The following CACNA1C variants were observed in gnomAD, a reference collection of about 807,000 sequenced individuals.
CACNA1C encodes voltage-dependent L-type calcium channel subunit alpha-1C.
A neutral mutation model predicts 229.0 loss-of-function variants in CACNA1C; 30 were observed. The observed-to-expected ratio is 0.13, with a 90% CI of 0.10 to 0.18. The LOEUF (loss-of-function observed/expected upper bound fraction) is 0.18, where lower values mean the gene tolerates loss of function less well. Among genes scored for constraint, CACNA1C ranks in the 10% least tolerant of loss-of-function variants. The pLI, the probability that CACNA1C is intolerant of heterozygous loss-of-function variation, is 1.00. For synonymous variants in CACNA1C, 1,114 were observed against 1,132.5 expected (o/e 0.98, Z 0.33); for missense variants, 1,658 against 2,845.0 (o/e 0.58, Z 9.49).
intron 3 of CACNA1C, among the ~76,000 whole-genome samples, chr12:2,320,423 G>T (rs1175219692): frequency 1.3e-5 from 2 of 152,216 alleles, no homozygotes; most frequent in African/African-American, 4.8e-5. Context: ...AGTCCATCAG[G>T]TGGCAGTGTA....
At chr12:2,427,646 A>C (rs2099045285) in intron 3 of CACNA1C, among the ~76,000 whole-genome samples, 1 of 151,910 alleles carries the variant, frequency 6.6e-6, no homozygotes, top group Non-Finnish European at 1.5e-5. Context: ...TTTGAGATGG[A>C]GTTTCACGCT....
At chr12:2,023,343 T>C (rs1001919005) in intron 1 of CACNA1C, among the ~76,000 whole-genome samples, 1 of 152,108 alleles carries the variant, frequency 6.6e-6, no homozygotes, top group African/African-American at 2.4e-5. Flanking sequence ...TTTAATGCCA[T>C]GCGTGGAGAA....
chr12:2,606,353 C>G (rs1024913304), intron 24 of CACNA1C, among the ~76,000 whole-genome samples: 1 of 152,076 alleles, frequency 6.6e-6, no homozygotes, highest in Non-Finnish European at 1.5e-5. Flanking sequence ...ACTTCTCCCT[C>G]CCTGGCGAGA....
At chr12:2,462,288 C>A (rs567280683) in intron 5 of CACNA1C, among the ~76,000 whole-genome samples, 44 of 151,104 alleles carry the variant, frequency 2.9e-4, no homozygotes, top group South Asian at 8.4e-4. Context: ...TTCCTCGGCA[C>A]CCCCTCGGCT....
chr12:2,227,910 C>T (rs2063497477), intron 3 of CACNA1C, among the ~76,000 whole-genome samples: 1 of 152,122 alleles, frequency 6.6e-6, no homozygotes, highest in Admixed American at 6.5e-5. Flanking sequence ...TTTTTAAACA[C>T]CTGACTTTAA....
intron 1 of CACNA1C, among the ~76,000 whole-genome samples, chr12:1,983,551 ATGTC>A (rs1446158009): frequency 1.3e-5 from 2 of 151,862 alleles, no homozygotes. Context: ...TCTGTTGTTG[ATGTC>A]TAATTTAATT....
At position 2,632,333 on chromosome 12, in the gene CACNA1C, G is replaced by A. The variant is rs1274740414; in HGVS notation, c.3829-1964G>A. ...ACCGCCTGTAGCTGGGGGTGTATGGGGAATATGATCGCCTGTAGCTGGGGG... is the reference window on the plus strand; with the variant it reads ...ACCGCCTGTAGCTGGGGGTGTATGGAGAATATGATCGCCTGTAGCTGGGGG... On this transcript the variant is annotated intron_variant, in intron 29 of 46. Transcript: ENST00000399655. The surrounding 1 kb of genome is among the most constrained non-coding windows in gnomAD (Gnocchi z 4.1). 6.6e-6 allele frequency among the ~76,000 whole-genome samples: 1 copy of A among 151,566 alleles called. No individual in the cohort carries two copies. Among genetic ancestry groups the A allele is most frequent in the Non-Finnish European group, 1.5e-5 (1 of 67,958 alleles).
intron 1 of CACNA1C, among the ~76,000 whole-genome samples, chr12:2,020,973 T>C (rs1355433184): frequency 1.3e-5 from 2 of 152,176 alleles, no homozygotes; most frequent in Non-Finnish European, 2.9e-5. Flanking sequence ...CTTGGGGCCA[T>C]ACATGAAAAG....
chr12:2,533,510 G>A (rs957671885), intron 9 of CACNA1C, among the ~76,000 whole-genome samples: 1 of 152,186 alleles, frequency 6.6e-6, no homozygotes, highest in Non-Finnish European at 1.5e-5. Context: ...GTCTTTCCAG[G>A]GTGCTTCCGA....
At chr12:2,426,008 C>T (rs1002528411) in intron 3 of CACNA1C, among the ~76,000 whole-genome samples, 3 of 152,072 alleles carry the variant, frequency 2.0e-5, no homozygotes, top group South Asian at 2.1e-4. Context: ...CTCATATTCT[C>T]GAAGGCATTT....
intron 3 of CACNA1C, among the ~76,000 whole-genome samples, chr12:2,162,939 A>G (rs1192892565): frequency 6.6e-6 from 1 of 152,172 alleles, no homozygotes. Context: ...GCCCATGCAC[A>G]TGGAAAACCC....
chr12:2,563,286 G>A (rs1356378619), intron 11 of CACNA1C, among the ~76,000 whole-genome samples: 1 of 152,178 alleles, frequency 6.6e-6, no homozygotes, highest in Non-Finnish European at 1.5e-5. Flanking sequence ...GCTGATGGGC[G>A]CTTAGGTTGA....
At chr12:2,069,980 T>G (rs752583796) in intron 1 of CACNA1C, among the ~76,000 whole-genome samples, 1 of 152,178 alleles carries the variant, frequency 6.6e-6, no homozygotes, top group Non-Finnish European at 1.5e-5. Flanking sequence ...ACATTTTAAA[T>G]TTTTTGTAGA....
chr12:2,672,230 G>C (rs147525838), intron 38 of CACNA1C: 3 of 152,116 alleles, frequency 2.0e-5, no homozygotes, highest in Non-Finnish European at 4.4e-5. Context: ...CCAGTACCAA[G>C]CCAAACAAGC....
intron 1 of CACNA1C, among the ~76,000 whole-genome samples, chr12:2,068,373 C>G (rs1057152581): frequency 6.6e-6 from 1 of 152,158 alleles, no homozygotes; most frequent in African/African-American, 2.4e-5. Flanking sequence ...GCCTGGAGGC[C>G]TTTCCCGGAG....
intron 3 of CACNA1C, among the ~76,000 whole-genome samples, chr12:2,422,791 C>T (rs1188943477): frequency 6.6e-6 from 1 of 152,118 alleles, no homozygotes; most frequent in Admixed American, 6.5e-5. Context: ...TGTTGTGGCT[C>T]AGCAAGCAAA....
At chr12:2,627,508 G>GA (rs1224305618) in intron 29 of CACNA1C, among the ~76,000 whole-genome samples, 1 of 152,040 alleles carries the variant, frequency 6.6e-6, no homozygotes, top group Non-Finnish European at 1.5e-5. Context: ...CTGGGACCCA[G>GA]AAAAGATCAG....
intron 3 of CACNA1C, among the ~76,000 whole-genome samples, chr12:2,213,458 G>A (rs1380212206): frequency 1.3e-5 from 2 of 152,142 alleles, no homozygotes; most frequent in African/African-American, 2.4e-5. Flanking sequence ...AGGAGGCGGC[G>A]AGATTATTGC....
intron 3 of CACNA1C, among the ~76,000 whole-genome samples, chr12:2,259,445 GA>G (rs1379538359): frequency 1.3e-5 from 2 of 152,080 alleles, no homozygotes; most frequent in African/African-American, 2.4e-5. Context: ...ATCAAAAAAA[GA>G]AAAAAAGAAC....
Sources: allele counts gnomAD v4.1 joint callset (sites outside exome capture counted in the v4.1 genomes callset), GRCh38; gene constraint gnomAD v4.1.1; non-coding constraint Gnocchi (gnomAD v3.1); transcripts MANE v1.5; gene names NCBI Gene and HGNC (gene_info 2026-07-23, HGNC 2026-07-21).